Variants in ZGPAT observed in about 807,000 individuals in gnomAD.
The protein encoded by ZGPAT is zinc finger CCCH-type with G patch domain-containing protein.
A neutral mutation model predicts 47.9 loss-of-function variants in ZGPAT; 39 were observed. The ratio of observed to expected loss-of-function variants is 0.81; its 90% confidence interval spans 0.63 to 1.06. The LOEUF is 1.06. Ranked by LOEUF, ZGPAT falls within the 50% of genes least tolerant of loss-of-function variation. ZGPAT has a pLI of 0.00. For synonymous variants in ZGPAT, 348 were observed against 292.9 expected (o/e 1.19, Z -1.92); for missense variants, 717 against 681.4 (o/e 1.05, Z -0.58).
At chr20:63,726,918 C>T (rs1174568633) in intron 2 of ZGPAT, among the ~76,000 whole-genome samples, 1 of 152,208 alleles carries the variant, frequency 6.6e-6, no homozygotes, top group Non-Finnish European at 1.5e-5. Flanking sequence ...CCCACACATG[C>T]AACAGCCCCT....
At chr20:63,714,310 C>T (rs2091703436) in intron 2 of ZGPAT, among the ~76,000 whole-genome samples, 1 of 151,602 alleles carries the variant, frequency 6.6e-6, no homozygotes, top group East Asian at 1.9e-4. Flanking sequence ...CCTGTAGTCC[C>T]AGCTACTTGA....
Position 63,735,506 on chromosome 20 carries a change from G to C in ZGPAT, c.1339G>C (p.Glu447Gln). ...GCTCTTCCAGACTGAGGAGAAGATCGAGCGAACCCAGCGGGACATCAGGAG... is the reference window on the plus strand; with the variant it reads ...GCTCTTCCAGACTGAGGAGAAGATCCAGCGAACCCAGCGGGACATCAGGAG... ...LRLFQTEEKI[E>Q]RTQRDIRSIQ... The change falls in exon 6 of 7, where the codon GAG (glutamate) becomes CAG (glutamine). Residue 447 changes from glutamate (E) to glutamine (Q), a missense_variant. Transcript: ENST00000355969. 1 of 1,532,328 alleles carries C rather than the reference G, an allele frequency of 6.5e-7. No individual in the cohort carries two copies. Among genetic ancestry groups the C allele is most frequent in the African/African-American group, 1.4e-5 (1 of 72,056 alleles). 94.9% of individuals were successfully genotyped at this position (1,532,328 alleles called of 1,614,324 possible).
intron 2 of ZGPAT, among the ~76,000 whole-genome samples, chr20:63,720,678 T>G (rs1408246614): frequency 6.6e-6 from 1 of 151,932 alleles, no homozygotes; most frequent in Non-Finnish European, 1.5e-5. Flanking sequence ...GGTCTTGAAC[T>G]CCTGGGCTCA....
At chr20:63,732,363 TC>T (rs1360848470) in intron 2 of ZGPAT, among the ~76,000 whole-genome samples, 190 of 24,250 alleles carry the variant, frequency 7.8e-3, no homozygotes, top group African/African-American at 0.032. Flanking sequence ...TGTGCATGTG[TC>T]AGGGTGTGTG....
At chr20:63,725,503 A>G (rs1414453838) in intron 2 of ZGPAT, among the ~76,000 whole-genome samples, 5 of 152,132 alleles carry the variant, frequency 3.3e-5, no homozygotes, top group African/African-American at 4.8e-5. Context: ...TTGAAGAATT[A>G]TCTTTTTTTC....
Position 63,735,172 on chromosome 20 carries a change from C to T in ZGPAT, c.1005C>T (p.His335=), listed in dbSNP as rs759550315. Residue 335 remains histidine (H), a synonymous_variant, in exon 6 of 7, where the codon CAC becomes CAT. Coordinates refer to ENST00000355969, the MANE Select transcript of ZGPAT (RefSeq NM_181485.3). ...GYEFGKGLGR[H]AEGRVEPIHA... is the part of the protein sequence containing the mutation. The stretch of plus-strand genomic sequence containing the variant: ...GTGCCTCCGCAGGTTTGGGCCGACA[C>T]GCGGAAGGCCGGGTGGAGCCCATCC... 3.4e-5 allele frequency: 51 copies of T among 1,516,448 alleles called. No homozygotes were observed. The highest frequency in any genetic ancestry group is 3.0e-4 in the South Asian group (23 of 75,662). The allele number at this position is 1,516,448 out of a possible 1,614,324, so 93.9% of individuals were successfully genotyped here. A position where few individuals can be genotyped will look rare whatever the true frequency, so the allele number is the denominator to read the frequency against.
intron 2 of ZGPAT, among the ~76,000 whole-genome samples, chr20:63,723,304 A>C (rs10153960): frequency 0.011 from 375 of 33,970 alleles, no homozygotes; most frequent in Admixed American, 0.013. Flanking sequence ...CCCTTCTCCT[A>C]TGACACAGCT....
At chr20:63,718,428 G>C (rs1308621539) in intron 2 of ZGPAT, among the ~76,000 whole-genome samples, 2 of 151,890 alleles carry the variant, frequency 1.3e-5, no homozygotes, top group Non-Finnish European at 2.9e-5. Context: ...TGCCTCCCGG[G>C]TTCAAGTGAT....
chr20:63,728,226 TG>T (rs368043185), intron 2 of ZGPAT, among the ~76,000 whole-genome samples: 175 of 152,110 alleles, frequency 1.2e-3, no homozygotes, highest in African/African-American at 4.0e-3. Context: ...TTAGTGGAGA[TG>T]AGGTTTAACC....
intron 2 of ZGPAT, among the ~76,000 whole-genome samples, chr20:63,719,967 A>G (rs752988250): frequency 3.2e-4 from 48 of 151,652 alleles, no homozygotes; most frequent in Non-Finnish European, 6.6e-4. Flanking sequence ...GTCTTAAACT[A>G]CTAACCTCAG....
chr20:63,730,602 A>C (rs1490757072), intron 2 of ZGPAT, among the ~76,000 whole-genome samples: 2 of 152,136 alleles, frequency 1.3e-5, no homozygotes, highest in African/African-American at 2.4e-5. Flanking sequence ...CTTGTGCCTC[A>C]GCCTCCCGAG....
At chr20:63,711,068 C>T (rs1029346665) in intron 2 of ZGPAT, among the ~76,000 whole-genome samples, 3 of 148,814 alleles carry the variant, frequency 2.0e-5, no homozygotes, top group African/African-American at 7.5e-5. Flanking sequence ...GCTGCTCTGT[C>T]ACCCAGGCTG....
At chr20:63,724,376 A>G (rs1351058239) in intron 2 of ZGPAT, among the ~76,000 whole-genome samples, 8 of 151,104 alleles carry the variant, frequency 5.3e-5, no homozygotes, top group Admixed American at 1.3e-4. Context: ...AAAAAAAAAA[A>G]AAAAGAAAAG....
chr20:63,718,627 T>G (rs2145656816), intron 2 of ZGPAT, among the ~76,000 whole-genome samples: 1 of 99,306 alleles, frequency 1.0e-5, no homozygotes, highest in East Asian at 2.1e-4. Context: ...AGCCCCCAAT[T>G]TTTTTTTTTT....
At chr20:63,729,630 C>G (rs1289868312) in intron 2 of ZGPAT, among the ~76,000 whole-genome samples, 1 of 152,076 alleles carries the variant, frequency 6.6e-6, no homozygotes, top group Non-Finnish European at 1.5e-5. Flanking sequence ...CTCCATTGAT[C>G]GATTTGCCTG....
chr20:63,710,451 C>T (rs1366384874), intron 2 of ZGPAT, among the ~76,000 whole-genome samples: 4 of 152,182 alleles, frequency 2.6e-5, no homozygotes, highest in Non-Finnish European at 2.9e-5. Context: ...TGCGCCTGGC[C>T]CTGTTGTTAG....
At chr20:63,714,099 T>C (rs1406238886) in intron 2 of ZGPAT, among the ~76,000 whole-genome samples, 3 of 152,038 alleles carry the variant, frequency 2.0e-5, no homozygotes, top group Non-Finnish European at 2.9e-5. Flanking sequence ...TTAACTGCCT[T>C]AGCTAGAACT....
chr20:63,717,339 T>C (rs1457830512), intron 2 of ZGPAT, among the ~76,000 whole-genome samples: 20 of 135,548 alleles, frequency 1.5e-4, no homozygotes, highest in African/African-American at 4.6e-4. Flanking sequence ...TTTCTTTTTT[T>C]TTTTTTTTTT....
chr20:63,715,850 A>G (rs2091723081), intron 2 of ZGPAT, among the ~76,000 whole-genome samples: 1 of 152,092 alleles, frequency 6.6e-6, no homozygotes, highest in Non-Finnish European at 1.5e-5. Context: ...AGAGAGAGAG[A>G]GAGAGAGATG....
Sources: gnomAD v4.1 joint callset for allele counts (sites outside exome capture counted in the v4.1 genomes callset) on GRCh38, gnomAD v4.1.1 for gene constraint, MANE v1.5 for transcripts, NCBI Gene and HGNC (gene_info 2026-07-23, HGNC 2026-07-21) for gene names.